The following PLA2G4C variants were observed in gnomAD, a reference collection of about 807,000 sequenced individuals.
The protein encoded by PLA2G4C is cytosolic phospholipase A2 gamma.
Under a neutral mutation model 73.8 loss-of-function variants are expected in PLA2G4C, and 64 were observed. The ratio of observed to expected loss-of-function variants is 0.87; its 90% CI spans 0.71 to 1.07. The LOEUF (loss-of-function observed/expected upper bound fraction) is 1.07. Ranked by LOEUF, PLA2G4C falls within the 50% of genes least tolerant of loss-of-function variation. The probability of loss-of-function intolerance (pLI) is 0.00; values close to 1 mark genes in which losing one functional copy is unlikely to be tolerated. For synonymous variants in PLA2G4C, 254 were observed against 252.1 expected (o/e 1.01, Z -0.07); for missense variants, 622 against 665.4 (o/e 0.93, Z 0.72).
chr19:48,055,022 G>A lies in PLA2G4C; in HGVS notation c.1285C>T (p.Arg429Cys), dbSNP rs184221309. The A allele has an allele frequency of 1.9e-5, 30 of 1,612,160 alleles. No individual in the cohort carries two copies. The highest frequency in any genetic ancestry group is 5.3e-5 in the African/African-American group (4 of 74,826). Residue 429 changes from arginine to cysteine, a missense_variant, in exon 15 of 17, where the codon CGC becomes TGC. Physicochemically the swap from Arg to Cys is radical, Grantham distance 180. Transcript: ENST00000599921. ...ETIRATTDYC[R>C]RHKIPFPQVE... ...TGGGGAAAGGGGATCTTGTGGCGGCGGCAGTAGTCAGTGGTAGCCCGGATG... is the reference window on the plus strand; with the variant it reads ...TGGGGAAAGGGGATCTTGTGGCGGCAGCAGTAGTCAGTGGTAGCCCGGATG...
chr19:48,086,201 GA>G (rs2030966288), intron 9 of PLA2G4C, among the ~76,000 whole-genome samples: 1 of 152,184 alleles, frequency 6.6e-6, no homozygotes, highest in Non-Finnish European at 1.5e-5. Flanking sequence ...TCTCTGCAGG[GA>G]AAGCTTATGA....
chr19:48,106,745 G>A (rs933635572), intron 1 of PLA2G4C, 184 bp from the exon 2 acceptor site: 14 of 563,056 alleles, frequency 2.5e-5, no homozygotes, highest in South Asian at 1.4e-4. Context: ...GCGGCCAAGC[G>A]AGGAGAATGG....
intron 10 of PLA2G4C, among the ~76,000 whole-genome samples, chr19:48,081,318 G>A (rs2030548247): frequency 6.6e-6 from 1 of 152,194 alleles, no homozygotes; most frequent in African/African-American, 2.4e-5. Flanking sequence ...ATCATTCTAA[G>A]TAAAGTAACT....
rs769263874 is a variant in PLA2G4C, at chr19:48,090,430, G to T, written c.710-13C>A. The T allele has an allele frequency of 1.2e-6, 2 of 1,603,924 alleles. No homozygotes were observed. Among genetic ancestry groups the T allele is most frequent in the South Asian group, 1.1e-5 (1 of 90,862 alleles). On this transcript the variant is annotated splice_polypyrimidine_tract_variant and intron_variant, in intron 7 of 16. Transcript: ENST00000599921. ...CTTCCCCATAAACCTGCCAAGAAAA[G>T]AGCAATAAAATTCAAACATTCTCCA...
intron 12 of PLA2G4C, chr19:48,074,518 C>A (rs2030002188): frequency 2.0e-6 from 1 of 509,300 alleles, no homozygotes. Flanking sequence ...GATTGCTGGG[C>A]CAAATAGTAT....
chr19:48,090,785 G>C (rs1371043842), intron 7 of PLA2G4C, among the ~76,000 whole-genome samples: 1 of 152,046 alleles, frequency 6.6e-6, no homozygotes, highest in Non-Finnish European at 1.5e-5. Flanking sequence ...GCTAGGGGAC[G>C]GTCAAGCTCT....
At position 48,104,436 on chromosome 19, in the gene PLA2G4C, C is replaced by T. The variant is rs995527744; in HGVS notation, c.257+152G>A. 85 of 694,848 alleles carry T rather than the reference C, an allele frequency of 1.2e-4. No individual in the cohort carries two copies. In the African/African-American group the frequency reaches 1.3e-3, roughly 11 times the overall value. The allele number at this position is 694,848 out of a possible 1,614,324, so 43.0% of individuals were successfully genotyped here. ...TCTGATGTGAACTCCAGGTAGCCAGCGTCAGAATTGCTCAGAATTGTAGGA... is the reference window on the plus strand; with the variant it reads ...TCTGATGTGAACTCCAGGTAGCCAGTGTCAGAATTGCTCAGAATTGTAGGA... On this transcript the variant is annotated intron_variant, in intron 4 of 16. Transcript: ENST00000599921.
At chr19:48,098,303 T>G (rs772137125) in intron 5 of PLA2G4C, 44 bp from the exon 6 acceptor site, 1 of 1,572,298 alleles carries the variant, frequency 6.4e-7, no homozygotes, top group Non-Finnish European at 8.6e-7. Context: ...GGCATGTGGG[T>G]CCCACAGGGT....
rs73050015 is a variant in PLA2G4C, at chr19:48,049,575, G to A, written c.1581-1187C>T. Among the ~76,000 whole-genome samples, 761 of 152,268 alleles carry A rather than the reference G, an allele frequency of 5.0e-3. 4 individuals carry two copies. The highest frequency in any genetic ancestry group is 8.8e-3 in the Non-Finnish European group (600 of 68,012). On this transcript the variant is annotated intron_variant, in intron 16 of 16. Transcript: ENST00000599921. ...TATGCAGCCACGGCTGCAGGACCTG[G>A]GCGGACTGGATCTAGCAGGCATCCA...
At chr19:48,067,683 C>A (rs975986341) in intron 13 of PLA2G4C, 108 bp downstream of exon 13, 4 of 785,770 alleles carry the variant, frequency 5.1e-6, no homozygotes, top group African/African-American at 3.4e-5. Context: ...CCCTCCAAAG[C>A]TCTGGGGAAG....
At chr19:48,105,913 CCCT>C (rs1490865242) in intron 2 of PLA2G4C, among the ~76,000 whole-genome samples, 3 of 10,588 alleles carry the variant, frequency 2.8e-4, no homozygotes, top group African/African-American at 2.0e-3. Flanking sequence ...CTCCCTCCCT[CCCT>C]CCCTCCCTCC....
chr19:48,057,665 T>C (rs1968008447), intron 14 of PLA2G4C, among the ~76,000 whole-genome samples: 1 of 150,158 alleles, frequency 6.7e-6, no homozygotes, highest in South Asian at 2.1e-4. Flanking sequence ...AATTTTTGTA[T>C]TTTTAGTAGA....
intron 2 of PLA2G4C, 108 bp from the exon 3 acceptor site, chr19:48,105,552 C>T (rs550942216): frequency 8.1e-5 from 61 of 753,374 alleles, no homozygotes; most frequent in Non-Finnish European, 1.2e-4. Flanking sequence ...CACCAGCCCA[C>T]GGGTACATGG....
In PLA2G4C at chr19:48,062,141, C is replaced by T. The variant is rs1968208376; in HGVS notation, c.1114G>A (p.Asp372Asn). 5.7e-6 allele frequency: 9 copies of T among 1,579,660 alleles called. 1 individual carries two copies. The highest frequency in any genetic ancestry group is 3.5e-5 in the South Asian group (3 of 85,460). Residue 372 changes from aspartate to asparagine, a missense_variant, in exon 14 of 17, where the codon GAC becomes AAC. Asp to Asn is a conservative substitution (Grantham distance 23). Transcript: ENST00000599921. ...TGCTTCCGGCTGCTCATTATCTTGTCCCGGATGCCACCTGTGGTGCCCAGG... is the reference window on the plus strand; with the variant it reads ...TGCTTCCGGCTGCTCATTATCTTGTTCCGGATGCCACCTGTGGTGCCCAGG... The part of the protein sequence containing the change: ...NFLYKHGGIR[D>N]KIMSSRKHLH...
At chr19:48,106,663 TC>T in intron 1 of PLA2G4C, 102 bp from the exon 2 acceptor site, 1 of 869,004 alleles carries the variant, frequency 1.2e-6, no homozygotes, top group Non-Finnish European at 1.9e-6. Context: ...GTTCTCCTTG[TC>T]CACTGCCCAG....
Position 48,098,215 on chromosome 19 carries a change from T to C in PLA2G4C, c.492A>G (p.Glu164=). ...HLSNMKKPVE[E]GTLPYPIFAA... The stretch of plus-strand genomic sequence containing the variant: ...CAAATATTGGGTAGGGTAGTGTCCC[T>C]TCTTCCACGGGCTTCTTCATATTGG... The change falls in exon 6 of 17, where the codon GAA becomes GAG. Residue 164 remains glutamate, a synonymous_variant. Coordinates refer to ENST00000599921, the MANE Select transcript of PLA2G4C (RefSeq NM_003706.3). 1 of 1,613,754 alleles carries C rather than the reference T, an allele frequency of 6.2e-7. No homozygotes were observed. Among genetic ancestry groups the C allele is most frequent in the African/African-American group, 1.3e-5 (1 of 75,026 alleles).
At chr19:48,098,376 A>G in intron 5 of PLA2G4C, 117 bp from the exon 6 acceptor site, 1 of 921,136 alleles carries the variant, frequency 1.1e-6, no homozygotes, top group Non-Finnish European at 1.6e-6. Context: ...CCCAGGCTGG[A>G]GTGCAGTGGT....
intron 13 of PLA2G4C, 32 bp from the exon 14 acceptor site, chr19:48,062,184 G>C: frequency 6.6e-7 from 1 of 1,514,044 alleles, no homozygotes; most frequent in Non-Finnish European, 8.9e-7. Flanking sequence ...AGGATCAGCT[G>C]CTTCTGGGGA....
intron 13 of PLA2G4C, among the ~76,000 whole-genome samples, chr19:48,063,640 C>A (rs1329276360): frequency 1.4e-5 from 2 of 140,212 alleles, no homozygotes; most frequent in Non-Finnish European, 3.0e-5. Flanking sequence ...TCTGAATGAA[C>A]CCTTCCTCTT....
Sources: gnomAD v4.1 joint callset for allele counts (sites outside exome capture counted in the v4.1 genomes callset) on GRCh38, gnomAD v4.1.1 for gene constraint, MANE v1.5 for transcripts, NCBI Gene and HGNC (gene_info 2026-07-23, HGNC 2026-07-21) for gene names.